TACR1: variants seen among roughly 807,000 people sequenced by gnomAD.
TACR1 encodes tachykinin receptor 1, also known as substance-P receptor.
A neutral mutation model predicts 35.8 loss-of-function variants in TACR1; 25 were observed. That is an observed-to-expected ratio of 0.70 (90% CI 0.51 to 0.98). The LOEUF (loss-of-function observed/expected upper bound fraction) is 0.98. TACR1 is among the 50% of genes least tolerant of loss of function. TACR1 has a pLI of 0.00. For synonymous variants in TACR1, 195 were observed against 206.7 expected (o/e 0.94, Z 0.48); for missense variants, 478 against 522.9 (o/e 0.91, Z 0.84).
At chr2:75,139,493 C>T (rs1328654696) in intron 1 of TACR1, among the ~76,000 whole-genome samples, 1 of 152,226 alleles carries the variant, frequency 6.6e-6, no homozygotes, top group Non-Finnish European at 1.5e-5. Context: ...GAAGGTATAG[C>T]TATGCACATG....
At chr2:75,067,650 G>A (rs79209831) in intron 2 of TACR1, among the ~76,000 whole-genome samples, 3,411 of 152,314 alleles carry the variant, frequency 0.022, 57 homozygotes, top group Non-Finnish European at 0.037. Context: ...AAAGGACTCT[G>A]TTAAGGTAAT....
intron 1 of TACR1, among the ~76,000 whole-genome samples, chr2:75,145,665 G>A (rs1217552547): frequency 6.6e-6 from 1 of 152,150 alleles, no homozygotes; most frequent in Non-Finnish European, 1.5e-5. Flanking sequence ...AAATATGTGG[G>A]ACTTATATGA....
rs144965042 is a variant in TACR1, at chr2:75,071,603, A to G, written c.585-17848T>C. 5.9e-5 allele frequency among the ~76,000 whole-genome samples: 9 copies of G among 152,282 alleles called. No individual in the cohort carries two copies. In the East Asian group the frequency reaches 1.7e-3, roughly 29 times the overall value. ...CACATATCTTTCTTCTCCACTCCCT[A>G]TGTTATCAACCACAGATTAAGTTTT... is the stretch of plus-strand genomic sequence containing the variant. On this transcript the variant is annotated intron_variant, in intron 2 of 4. Coordinates refer to ENST00000305249, the MANE Select transcript of TACR1 (RefSeq NM_001058.4).
At chr2:75,063,318 T>C (rs1373570619) in intron 2 of TACR1, among the ~76,000 whole-genome samples, 1 of 152,234 alleles carries the variant, frequency 6.6e-6, no homozygotes, top group Non-Finnish European at 1.5e-5. Context: ...GTGGTCATAT[T>C]GTCTTTCCTA....
intron 1 of TACR1, among the ~76,000 whole-genome samples, chr2:75,184,343 A>AT (rs1483089847): frequency 2.0e-5 from 3 of 152,122 alleles, no homozygotes. Flanking sequence ...TGGGCAACAT[A>AT]TTTAACAATT....
intron 1 of TACR1, among the ~76,000 whole-genome samples, chr2:75,147,927 T>A (rs1330891497): frequency 6.6e-6 from 1 of 152,036 alleles, no homozygotes; most frequent in African/African-American, 2.4e-5. Context: ...TGTATTTTTT[T>A]AGTAGAGATG....
chr2:75,180,574 A>T (rs1388457007), intron 1 of TACR1, among the ~76,000 whole-genome samples: 1 of 152,146 alleles, frequency 6.6e-6, no homozygotes, highest in Non-Finnish European at 1.5e-5. Context: ...CAAATCCAAA[A>T]TTATCCTGCT....
chr2:75,172,087 G>C (rs1017119513), intron 1 of TACR1, among the ~76,000 whole-genome samples: 2 of 152,192 alleles, frequency 1.3e-5, no homozygotes, highest in African/African-American at 4.8e-5. Context: ...TCTCTTTCTT[G>C]TGCTAAATTA....
intron 1 of TACR1, among the ~76,000 whole-genome samples, chr2:75,146,010 T>C (rs1674503544): frequency 6.6e-6 from 1 of 152,092 alleles, no homozygotes; most frequent in Non-Finnish European, 1.5e-5. Flanking sequence ...GATCAAATCC[T>C]AGAGAATATT....
rs1672421541 is a variant in TACR1 at position 75,049,326 on chromosome 2, C to T, written c.*106G>A. On this transcript the variant is annotated 3_prime_UTR_variant, in exon 5 of 5. Transcript: ENST00000305249. ...ACCCATACTGACCCTTTTTGCAAGTCCCAGTGTGAGGGTGTTTCTGATGGT... is the reference window on the plus strand; with the variant it reads ...ACCCATACTGACCCTTTTTGCAAGTTCCAGTGTGAGGGTGTTTCTGATGGT... The T allele has an allele frequency of 7.8e-7, 1 of 1,284,304 alleles. No individual in the cohort carries two copies. The allele number at this position is 1,284,304 out of a possible 1,614,324, so 79.6% of individuals were successfully genotyped here. A position where few individuals can be genotyped will look rare whatever the true frequency, so the allele number is the denominator to read the frequency against.
intron 1 of TACR1, among the ~76,000 whole-genome samples, chr2:75,140,770 C>T (rs75971486): frequency 0.013 from 1,905 of 152,252 alleles, 37 homozygotes; most frequent in African/African-American, 0.044. Flanking sequence ...ATTATGCATT[C>T]CTTGTGGTGT....
intron 2 of TACR1, among the ~76,000 whole-genome samples, chr2:75,115,615 A>C (rs1478703392): frequency 6.6e-6 from 1 of 152,182 alleles, no homozygotes; most frequent in Non-Finnish European, 1.5e-5. Flanking sequence ...TAAAAAAAGA[A>C]TAGAGAAGAG....
chr2:75,067,560 A>T (rs1672788459), intron 2 of TACR1, among the ~76,000 whole-genome samples: 1 of 152,218 alleles, frequency 6.6e-6, no homozygotes, highest in African/African-American at 2.4e-5. Flanking sequence ...TCAGCAAATA[A>T]ATATAAAATC....
chr2:75,160,891 A>G (rs1392783307), intron 1 of TACR1, among the ~76,000 whole-genome samples: 1 of 151,382 alleles, frequency 6.6e-6, no homozygotes, highest in African/African-American at 2.4e-5. Context: ...TCTTATTTCA[A>G]TGGTAAGGAA....
chr2:75,122,790 T>C (rs1424151210), intron 1 of TACR1, among the ~76,000 whole-genome samples: 3 of 152,198 alleles, frequency 2.0e-5, no homozygotes, highest in African/African-American at 7.2e-5. Context: ...AAATCAAACA[T>C]TGTCTGTTTT....
intron 2 of TACR1, among the ~76,000 whole-genome samples, chr2:75,056,850 T>C (rs1672578329): frequency 1.3e-5 from 2 of 152,252 alleles, no homozygotes; most frequent in South Asian, 4.1e-4. Context: ...GCATTGGTTT[T>C]TCCATGTTCC....
chr2:75,072,455 T>C (rs1162103498), intron 2 of TACR1, among the ~76,000 whole-genome samples: 1 of 152,056 alleles, frequency 6.6e-6, no homozygotes, highest in Non-Finnish European at 1.5e-5. Context: ...ATAAGGAAAA[T>C]ATAGGGCAGA....
intron 2 of TACR1, among the ~76,000 whole-genome samples, chr2:75,111,838 T>C (rs1673754875): frequency 6.6e-6 from 1 of 151,898 alleles, no homozygotes; most frequent in Non-Finnish European, 1.5e-5. Flanking sequence ...CATAAAGTGG[T>C]AGGGGTAGAA....
At chr2:75,117,020 AT>A (rs1207474360) in intron 2 of TACR1, among the ~76,000 whole-genome samples, 1 of 152,164 alleles carries the variant, frequency 6.6e-6, no homozygotes, top group Non-Finnish European at 1.5e-5. Flanking sequence ...AGATTTCTTA[AT>A]ATTTTCTAGT....
Sources: gnomAD v4.1 joint callset for allele counts (sites outside exome capture counted in the v4.1 genomes callset) on GRCh38, gnomAD v4.1.1 for gene constraint, MANE v1.5 for transcripts, NCBI Gene and HGNC (gene_info 2026-07-23, HGNC 2026-07-21) for gene names.